Variants in NOTCH4 observed in about 807,000 individuals in gnomAD.
NOTCH4 encodes the protein notch receptor 4.
NOTCH4 carries 138 observed loss-of-function variants against 189.0 expected under a neutral mutation model. That is an observed-to-expected ratio of 0.73 (90% CI 0.64 to 0.84). The LOEUF is 0.84. Among genes scored for constraint, NOTCH4 ranks in the 40% least tolerant of loss-of-function variants. NOTCH4 has a pLI of 0.00. For missense variants in NOTCH4, 2,286 were observed against 2,605.4 expected (o/e 0.88, Z 2.67); for synonymous variants, 942 against 1,032.8 (o/e 0.91, Z 1.69).
At chr6:32,211,715 C>A (rs1789035482) in intron 17 of NOTCH4, among the ~76,000 whole-genome samples, 2 of 152,078 alleles carry the variant, frequency 1.3e-5, no homozygotes, top group Non-Finnish European at 2.9e-5. Flanking sequence ...CCTTGGGGAC[C>A]ACTAACATTC....
In NOTCH4 at chr6:32,196,921, A is replaced by G; in HGVS notation, c.5200+4T>C. 6.2e-7 allele frequency: 1 copy of G among 1,612,706 alleles called. No homozygotes were observed. Among genetic ancestry groups the G allele is most frequent in the Non-Finnish European group, 8.5e-7 (1 of 1,179,978 alleles). ...TAGCATACATCACCCCTTCCTCTAC[A>G]TACCCCATTTATCTCTGGCCCCCAC... On this transcript the variant is annotated splice_donor_region_variant and intron_variant, in intron 28 of 29. Coordinates refer to ENST00000375023, the MANE Select transcript of NOTCH4 (RefSeq NM_004557.4).
chr6:32,222,928 C>T (rs1789881661), intron 2 of NOTCH4, 77 bp downstream of exon 2: 1 of 1,545,946 alleles, frequency 6.5e-7, no homozygotes, highest in African/African-American at 1.4e-5. Flanking sequence ...CTTCTTTGGT[C>T]TCACTTCCTC....
chr6:32,216,036 T>C (rs577650925), intron 11 of NOTCH4: 1 of 148,652 alleles, frequency 6.7e-6, no homozygotes, highest in African/African-American at 2.5e-5. Flanking sequence ...TGTATTTTTT[T>C]TTTTTTTTGA....
rs764402691 is a variant in NOTCH4, at chr6:32,212,476, T to C, written c.2678A>G (p.Gln893Arg). Residue 893 changes from glutamine to arginine, a missense_variant and splice_region_variant, in exon 17 of 30, where the codon CAA becomes CGA. Coordinates refer to ENST00000375023, the MANE Select transcript of NOTCH4 (RefSeq NM_004557.4). This position sits in a 1 kb window ranked among gnomAD's most constrained non-coding sequence, Gnocchi z 4.4. Reference sequence around the variant, plus strand: ...CAGTCAGTGCCGGCGTTGGTTACCTTGGCTCAGTGCAGCCTTCTGGCAGGA... The same window carrying C: ...CAGTCAGTGCCGGCGTTGGTTACCTCGGCTCAGTGCAGCCTTCTGGCAGGA... ...LSSCQKAALS[Q>R]GIDVSSLCHN... 6.2e-7 allele frequency: 1 copy of C among 1,607,836 alleles called. No homozygotes were observed.
rs761804651 is a variant in NOTCH4 at position 32,197,308 on chromosome 6, C to T, written c.5043G>A (p.Glu1681=). The T allele has an allele frequency of 1.3e-6, 2 of 1,525,112 alleles. No individual in the cohort carries two copies. Among genetic ancestry groups the T allele is most frequent in the Middle Eastern group, 4.5e-4 (2 of 4,450 alleles). 94.5% of individuals were successfully genotyped at this position (1,525,112 alleles called of 1,614,324 possible). ...LHAAVAADAR[E]VCQLLLRSRQ... is the part of the protein sequence containing the mutation. ...CTCAGTGTGTGCTAACCTGGCAGAC[C>T]TCCCGAGCATCAGCAGCCACAGCAG... The change falls in exon 27 of 30, where the codon GAG becomes GAA. Residue 1681 remains glutamate, a synonymous_variant. Transcript: ENST00000375023.
Position 32,200,522 on chromosome 6 carries a change from T to C in NOTCH4, c.4315+309A>G, listed in dbSNP as rs923719666. ...CTGCGCCCAGCCTATTATTCTTTCA[T>C]GTACTATGAATTGTCTGATACAAAG... On this transcript the variant is annotated intron_variant, in intron 23 of 29. Coordinates refer to ENST00000375023, the MANE Select transcript of NOTCH4 (RefSeq NM_004557.4). The surrounding 1 kb of genome is among the most constrained non-coding windows in gnomAD (Gnocchi z 5.0). Among the ~76,000 whole-genome samples the C allele has an allele frequency of 2.9e-4, 44 of 152,228 alleles. No homozygotes were observed. Among genetic ancestry groups the C allele is most frequent in the African/African-American group, 1.0e-3 (43 of 41,452 alleles).
At position 32,197,374 on chromosome 6, in the gene NOTCH4, G is replaced by A. The variant is rs764428888; in HGVS notation, c.4977C>T (p.Asn1659=). Reference sequence around the variant, plus strand: ...GCCCTGCCCGGTCTGGCTGGTTGGGGTTGGCTCCAGCCTCAAGGAGGCGGC... The same window carrying A: ...GCCCTGCCCGGTCTGGCTGGTTGGGATTGGCTCCAGCCTCAAGGAGGCGGC... ...AARRLLEAGA[N]PNQPDRAGRT... is the part of the protein sequence containing the mutation. Residue 1659 remains asparagine (N), a synonymous_variant, in exon 27 of 30, where the codon AAC becomes AAT. Coordinates refer to ENST00000375023, the MANE Select transcript of NOTCH4 (RefSeq NM_004557.4). The A allele has an allele frequency of 4.4e-5, 67 of 1,537,104 alleles. No individual in the cohort carries two copies. Among genetic ancestry groups the A allele is most frequent in the Non-Finnish European group, 5.6e-5 (64 of 1,142,942 alleles).
At chr6:32,206,800 A>G (rs1300175456) in intron 18 of NOTCH4, among the ~76,000 whole-genome samples, 1 of 152,148 alleles carries the variant, frequency 6.6e-6, no homozygotes, top group Non-Finnish European at 1.5e-5. Context: ...AAAATATACT[A>G]TAAAGCTATA....
Position 32,198,545 on chromosome 6 carries a change from G to T in NOTCH4, c.4632C>A (p.Gly1544=). 6.2e-7 allele frequency: 1 copy of T among 1,612,830 alleles called. No individual in the cohort carries two copies. Among genetic ancestry groups the T allele is most frequent in the Non-Finnish European group, 8.5e-7 (1 of 1,179,926 alleles). Residue 1544 remains glycine (G), a synonymous_variant, in exon 26 of 30, where the codon GGC becomes GGA. Coordinates refer to ENST00000375023, the MANE Select transcript of NOTCH4 (RefSeq NM_004557.4). This position sits in a 1 kb window ranked among gnomAD's most constrained non-coding sequence, Gnocchi z 5.5. ...GEEVGQAEET[G]PPSTCQLWSL... ...ACCAGAGCTGGCACGTGGAGGGTGG[G>T]CCTGTTTCTTCAGCCTTTGGGTAAC...
intron 11 of NOTCH4, 95 bp from the exon 12 acceptor site, chr6:32,215,480 T>G: frequency 7.9e-7 from 1 of 1,262,750 alleles, no homozygotes; most frequent in South Asian, 1.5e-5. Flanking sequence ...CCACTTCTTA[T>G]GCTTGCCTTA....
intron 17 of NOTCH4, among the ~76,000 whole-genome samples, chr6:32,211,395 G>A (rs1789009390): frequency 6.6e-6 from 1 of 150,436 alleles, no homozygotes; most frequent in South Asian, 2.1e-4. Context: ...TTCGAGACCA[G>A]TCTGGCCAAC....
In NOTCH4 at chr6:32,204,183, G is replaced by T; in HGVS notation, c.3072C>A (p.His1024Gln). Residue 1024 changes from histidine to glutamine, a missense_variant, in exon 19 of 30, where the codon CAC becomes CAA. Around this residue, in one of 2 missense-constraint regions of NOTCH4, gnomAD observed 1,903 missense variants for 2,261.9 expected, o/e 0.84. Coordinates refer to ENST00000375023, the MANE Select transcript of NOTCH4 (RefSeq NM_004557.4). ...GGCAGTAGAAGGCATTGGCCAGAGAGTGGCAGGCTGCAGTGCCTGTGGGGT... is the reference window on the plus strand; with the variant it reads ...GGCAGTAGAAGGCATTGGCCAGAGATTGGCAGGCTGCAGTGCCTGTGGGGT... ...PCHPTGTAAC[H>Q]SLANAFYCQC... is the part of the protein sequence containing the mutation. 1 of 1,612,960 alleles carries T rather than the reference G, an allele frequency of 6.2e-7. No individual in the cohort carries two copies. The highest frequency in any genetic ancestry group is 8.5e-7 in the Non-Finnish European group (1 of 1,180,000).
Position 32,200,087 on chromosome 6 carries a change from C to T in NOTCH4, c.4315+744G>A, listed in dbSNP as rs1478163605. On this transcript the variant is annotated intron_variant, in intron 23 of 29. Transcript: ENST00000375023. The surrounding 1 kb of genome is among the most constrained non-coding windows in gnomAD (Gnocchi z 5.0). ...CCGAAATCTGAAACACTTTTGTTCC[C>T]AAGCATTTCAGATAAGGGATACTCA... 2.0e-5 allele frequency among the ~76,000 whole-genome samples: 3 copies of T among 152,098 alleles called. No individual in the cohort carries two copies. Among genetic ancestry groups the T allele is most frequent in the Non-Finnish European group, 4.4e-5 (3 of 68,040 alleles).
Position 32,202,561 on chromosome 6 carries a change from G to A in NOTCH4, c.3270C>T (p.Ser1090=). Residue 1090 remains serine, a synonymous_variant, in exon 21 of 30, where the codon TCC becomes TCT. Transcript: ENST00000375023. The surrounding 1 kb of genome is among the most constrained non-coding windows in gnomAD (Gnocchi z 5.7). ...CGTGGTGGCAGTGATGGAAGCCGCA[G>A]GAAGGGGCCCTGTGGCTGCAGGTGG... ...EGPTCSHRAP[S]CGFHHCHHGG... The A allele has an allele frequency of 5.0e-6, 8 of 1,602,044 alleles. No individual in the cohort carries two copies. Among genetic ancestry groups the A allele is most frequent in the Non-Finnish European group, 6.8e-6 (8 of 1,171,292 alleles).
intron 13 of NOTCH4, 126 bp downstream of exon 13, chr6:32,213,984 A>C (rs569201024): frequency 7.1e-7 from 1 of 1,413,028 alleles, no homozygotes; most frequent in African/African-American, 1.4e-5. Context: ...CCCACACATC[A>C]CCCGTGTCCC....
In NOTCH4 at chr6:32,198,587, G is replaced by A; in HGVS notation, c.4618-28C>T. On this transcript the variant is annotated intron_variant, in intron 25 of 29. Transcript: ENST00000375023. The surrounding 1 kb of genome is among the most constrained non-coding windows in gnomAD (Gnocchi z 5.5). ...TTGGGTAACAGCAAGGATCAGTGAAGGTTGATTTGCCCTTTCATCCCTTCC... is the reference window on the plus strand; with the variant it reads ...TTGGGTAACAGCAAGGATCAGTGAAAGTTGATTTGCCCTTTCATCCCTTCC... The A allele has an allele frequency of 6.2e-7, 1 of 1,611,500 alleles. No homozygotes were observed. The highest frequency in any genetic ancestry group is 8.5e-7 in the Non-Finnish European group (1 of 1,179,040).
rs1788192493 is a variant in NOTCH4 at position 32,199,374 on chromosome 6, C to G, written c.4316-229G>C. Reference sequence around the variant, plus strand: ...ATGAGGCCAGGAGTTCGAGACCAGCCTGGCCAACATGGCAAAACCCCCTCT... The same window carrying G: ...ATGAGGCCAGGAGTTCGAGACCAGCGTGGCCAACATGGCAAAACCCCCTCT... On this transcript the variant is annotated intron_variant, in intron 23 of 29. Transcript: ENST00000375023. This position sits in a 1 kb window ranked among gnomAD's most constrained non-coding sequence, Gnocchi z 4.9. 6.6e-6 allele frequency among the ~76,000 whole-genome samples: 1 copy of G among 152,152 alleles called. No homozygotes were observed. Among genetic ancestry groups the G allele is most frequent in the African/African-American group, 2.4e-5 (1 of 41,438 alleles).
chr6:32,223,812 C>G (rs778627326), intron 1 of NOTCH4, 44 bp downstream of exon 1: 1 of 1,588,590 alleles, frequency 6.3e-7, no homozygotes. Flanking sequence ...GATCATCCTC[C>G]TAAGGGAGCT....
In NOTCH4 at chr6:32,220,640, G is replaced by T. The variant is rs1423416963; in HGVS notation, c.924C>A (p.Gly308=). 6.2e-7 allele frequency: 1 copy of T among 1,613,548 alleles called. No homozygotes were observed. Among genetic ancestry groups the T allele is most frequent in the East Asian group, 2.2e-5 (1 of 44,856 alleles). ...CATCCACATCTTCGGAGCAGTCCCAGCCTGCAGGGGGTTGGGGAGGGGACG... is the reference window on the plus strand; with the variant it reads ...CATCCACATCTTCGGAGCAGTCCCATCCTGCAGGGGGTTGGGGAGGGGACG... ...YTCLCPETWT[G]WDCSEDVDEC... Residue 308 remains glycine, a splice_region_variant and synonymous_variant, in exon 6 of 30, where the codon GGC becomes GGA. Coordinates refer to ENST00000375023, the MANE Select transcript of NOTCH4 (RefSeq NM_004557.4).
Sources: gnomAD v4.1 joint callset for allele counts (sites outside exome capture counted in the v4.1 genomes callset) on GRCh38, gnomAD v4.1.1 for gene constraint, gnomAD v4.1.1 regional missense constraint, Gnocchi (gnomAD v3.1) non-coding constraint, MANE v1.5 for transcripts, NCBI Gene and HGNC (gene_info 2026-07-23, HGNC 2026-07-21) for gene names.